The following SLC9A9 variants were observed in gnomAD, a reference collection of about 807,000 sequenced individuals.
SLC9A9 encodes sodium/hydrogen exchanger 9.
In SLC9A9, 62 loss-of-function variants were observed where a neutral mutation model predicts 77.8. The ratio of observed to expected loss-of-function variants is 0.80; its 90% CI spans 0.65 to 0.98. The LOEUF (loss-of-function observed/expected upper bound fraction) is 0.98. Among genes scored for constraint, SLC9A9 ranks in the 50% least tolerant of loss-of-function variants. The pLI, the probability that SLC9A9 is intolerant of heterozygous loss-of-function variation, is 0.00. For synonymous variants in SLC9A9, 320 were observed against 283.5 expected, an observed-to-expected ratio of 1.13 and a Z score of -1.29; for missense variants, 775 against 774.9, an observed-to-expected ratio of 1.00 and a Z score of 0.00.
intron 12 of SLC9A9, among the ~76,000 whole-genome samples, chr3:143,402,984 T>C (rs1247231595): frequency 6.6e-6 from 1 of 151,982 alleles, no homozygotes; most frequent in African/African-American, 2.4e-5. Context: ...GACTCTGCTT[T>C]GGATTTATAA....
At chr3:143,739,153 C>T (rs555983843) in intron 4 of SLC9A9, among the ~76,000 whole-genome samples, 1 of 152,212 alleles carries the variant, frequency 6.6e-6, no homozygotes, top group South Asian at 2.1e-4. Flanking sequence ...GACCAGTCCC[C>T]ACCCTGCAGC....
In SLC9A9 at chr3:143,325,122, G is replaced by A. The variant is rs572836819; in HGVS notation, c.1604+38362C>T. 3.4e-5 allele frequency among the ~76,000 whole-genome samples: 5 copies of A among 146,738 alleles called. No individual in the cohort carries two copies. The East Asian group carries it at 9.9e-4, about 29-fold the overall frequency. On this transcript the variant is annotated intron_variant, in intron 14 of 15. Transcript: ENST00000316549. ...CTTCCACACTTTTCCTTTTTCCATA[G>A]TAGTGAGAACAGTTCTGAGATCACT...
At chr3:143,498,294 G>C (rs2108594609) in intron 9 of SLC9A9, among the ~76,000 whole-genome samples, 1 of 152,264 alleles carries the variant, frequency 6.6e-6, no homozygotes, top group East Asian at 1.9e-4. Flanking sequence ...AGTCTAGACT[G>C]TTCTCACACC....
At chr3:143,694,373 C>G (rs552018443) in intron 4 of SLC9A9, among the ~76,000 whole-genome samples, 12 of 152,182 alleles carry the variant, frequency 7.9e-5, no homozygotes, top group African/African-American at 2.9e-4. Flanking sequence ...CTTTCTGAAC[C>G]TGAATATCCA....
At chr3:143,329,878 C>T (rs1251401211) in intron 14 of SLC9A9, among the ~76,000 whole-genome samples, 1 of 152,130 alleles carries the variant, frequency 6.6e-6, no homozygotes, top group African/African-American at 2.4e-5. Flanking sequence ...GCTTTTGTTC[C>T]GCACCTTTCC....
intron 8 of SLC9A9, among the ~76,000 whole-genome samples, chr3:143,561,614 C>T (rs1163875474): frequency 4.6e-5 from 7 of 152,150 alleles, no homozygotes; most frequent in Non-Finnish European, 8.8e-5. Flanking sequence ...AGGCATAACA[C>T]GGGTGATGCT....
chr3:143,756,935 A>G (rs956788072), intron 4 of SLC9A9, among the ~76,000 whole-genome samples: 4 of 152,170 alleles, frequency 2.6e-5, no homozygotes, highest in Admixed American at 2.6e-4. Context: ...TTGTGCTGTT[A>G]CTGTAAACTG....
At chr3:143,465,107 T>C (rs376876431) in intron 12 of SLC9A9, among the ~76,000 whole-genome samples, 3 of 152,226 alleles carry the variant, frequency 2.0e-5, no homozygotes, top group Admixed American at 6.5e-5. Flanking sequence ...TGGCACTGAA[T>C]TGGTTGGGCC....
At chr3:143,680,920 A>G (rs1933068860) in intron 5 of SLC9A9, among the ~76,000 whole-genome samples, 1 of 152,178 alleles carries the variant, frequency 6.6e-6, no homozygotes, top group Non-Finnish European at 1.5e-5. Context: ...GAGAAGCCCC[A>G]GAAGATATCA....
rs182569079 is a variant in SLC9A9 at position 143,640,501 on chromosome 3, G to A, written c.755+11754C>T. Among the ~76,000 whole-genome samples, 209 of 152,242 alleles carry A rather than the reference G, an allele frequency of 1.4e-3. 1 individual carries two copies. Among genetic ancestry groups the A allele is most frequent in the African/African-American group, 5.0e-3 (206 of 41,534 alleles). ...TCAAACAAGGGGATAAAATGAATGAGGAGCTACTATGACTGAGTGATGATA... is the reference window on the plus strand; with the variant it reads ...TCAAACAAGGGGATAAAATGAATGAAGAGCTACTATGACTGAGTGATGATA... On this transcript the variant is annotated intron_variant, in intron 6 of 15. Transcript: ENST00000316549.
intron 12 of SLC9A9, among the ~76,000 whole-genome samples, chr3:143,399,018 T>C (rs1002435509): frequency 1.8e-4 from 28 of 151,908 alleles, no homozygotes; most frequent in Non-Finnish European, 3.7e-4. Flanking sequence ...TACACACACA[T>C]ACATATATAT....
intron 2 of SLC9A9, among the ~76,000 whole-genome samples, chr3:143,810,065 T>C (rs556874006): frequency 2.0e-5 from 3 of 152,312 alleles, no homozygotes; most frequent in Admixed American, 2.0e-4. Context: ...AATATTAAAA[T>C]TCAATTCTTA....
intron 4 of SLC9A9, among the ~76,000 whole-genome samples, chr3:143,789,238 C>T (rs2008147654): frequency 6.6e-6 from 1 of 152,054 alleles, no homozygotes; most frequent in African/African-American, 2.4e-5. Flanking sequence ...TGAGTGCATC[C>T]TAGAGAAACC....
intron 12 of SLC9A9, among the ~76,000 whole-genome samples, chr3:143,390,201 T>A (rs1001400223): frequency 4.6e-5 from 7 of 152,256 alleles, no homozygotes; most frequent in African/African-American, 1.4e-4. Flanking sequence ...ATGGATTTCA[T>A]GAAACTCTAT....
intron 13 of SLC9A9, among the ~76,000 whole-genome samples, chr3:143,373,605 T>TAAAAAAAAAAAAAAAAAA (rs67376157): frequency 1.7e-5 from 1 of 58,616 alleles, no homozygotes; most frequent in Admixed American, 2.2e-4. Context: ...ACTGAAATAG[T>TAAAAAAAAAAAAAAAAAA]AAAAAAAAAA....
At chr3:143,778,237 A>C (rs1429891310) in intron 4 of SLC9A9, among the ~76,000 whole-genome samples, 1 of 152,140 alleles carries the variant, frequency 6.6e-6, no homozygotes, top group East Asian at 1.9e-4. Context: ...TCTACAGACA[A>C]CACTATCAGT....
chr3:143,329,554 A>G (rs1019294421), intron 14 of SLC9A9, among the ~76,000 whole-genome samples: 6 of 152,146 alleles, frequency 3.9e-5, no homozygotes, highest in Non-Finnish European at 7.4e-5. Flanking sequence ...ATCCTCCCAT[A>G]TGGCAGGTGT....
chr3:143,735,908 C>A (rs1034627168), intron 4 of SLC9A9, among the ~76,000 whole-genome samples: 3 of 152,160 alleles, frequency 2.0e-5, no homozygotes, highest in Admixed American at 6.5e-5. Flanking sequence ...GTAATTGTAA[C>A]TGGGCCATTT....
intron 14 of SLC9A9, among the ~76,000 whole-genome samples, chr3:143,335,367 C>T: frequency 6.6e-6 from 1 of 151,966 alleles, no homozygotes. Context: ...TGTATAGATT[C>T]AATAACATTC....
Sources: allele counts gnomAD v4.1 joint callset (sites outside exome capture counted in the v4.1 genomes callset), GRCh38; gene constraint gnomAD v4.1.1; transcripts MANE v1.5; gene names NCBI Gene and HGNC (gene_info 2026-07-23, HGNC 2026-07-21).